Variants in PPCS observed in about 807,000 individuals in gnomAD.
PPCS encodes phosphopantothenoylcysteine synthetase, also known as phosphopantothenate--cysteine ligase.
A neutral mutation model predicts 24.6 loss-of-function variants in PPCS; 17 were observed. The ratio of observed to expected loss-of-function variants is 0.69; its 90% CI spans 0.47 to 1.04. The LOEUF (loss-of-function observed/expected upper bound fraction) is 1.04, where lower values mean the gene tolerates loss of function less well. Among genes scored for constraint, PPCS ranks in the 50% least tolerant of loss-of-function variants. The probability of loss-of-function intolerance (pLI) is 0.00; values close to 1 mark genes in which losing one functional copy is unlikely to be tolerated. For synonymous variants in PPCS, 190 were observed against 168.3 expected (o/e 1.13, Z -1.00); for missense variants, 360 against 402.8 (o/e 0.89, Z 0.91).
chr1:42,472,785 C>G (rs1643813317), intron 2 of PPCS, among the ~76,000 whole-genome samples: 1 of 152,038 alleles, frequency 6.6e-6, no homozygotes, highest in Admixed American at 6.5e-5. Flanking sequence ...TAGATAACAA[C>G]AGGAAAAGTA....
At chr1:42,462,314 G>C (rs894372800), downstream of PPCS, among the ~76,000 whole-genome samples, 1 of 152,092 alleles carries the variant, frequency 6.6e-6, no homozygotes, top group Non-Finnish European at 1.5e-5. Context: ...ACCTGATCTT[G>C]GATGGAGGAT....
downstream of PPCS, chr1:42,464,314 TGAAA>T: frequency 6.6e-6 from 1 of 152,348 alleles, no homozygotes; most frequent in East Asian, 1.9e-4. Flanking sequence ...GCTTACATAA[TGAAA>T]GAAGGTTGTT....
At chr1:42,463,065 A>G (rs1643454176), downstream of PPCS, among the ~76,000 whole-genome samples, 1 of 152,256 alleles carries the variant, frequency 6.6e-6, no homozygotes. Flanking sequence ...CTAAGTCGCA[A>G]ACGCTCGACA....
chr1:42,469,628 A>G (rs891334185), intron 2 of PPCS, among the ~76,000 whole-genome samples: 1 of 152,236 alleles, frequency 6.6e-6, no homozygotes, highest in East Asian at 1.9e-4. Flanking sequence ...AGGAAGCAGT[A>G]TGGGATGGGG....
At chr1:42,472,970 A>G (rs1643818355) in intron 2 of PPCS, among the ~76,000 whole-genome samples, 1 of 152,142 alleles carries the variant, frequency 6.6e-6, no homozygotes, top group Non-Finnish European at 1.5e-5. Flanking sequence ...AAGTGTGATG[A>G]AGGTTCAGGT....
chr1:42,456,609 G>A lies in PPCS; in HGVS notation c.44G>A (p.Gly15Asp), dbSNP rs866402846. 5.2e-6 allele frequency: 8 copies of A among 1,531,200 alleles called. 1 individual carries two copies. Among genetic ancestry groups the A allele is most frequent in the Non-Finnish European group, 6.1e-6 (7 of 1,142,468 alleles). The allele number at this position is 1,531,200 out of a possible 1,614,324, so 94.9% of individuals were successfully genotyped here. A position where few individuals can be genotyped will look rare whatever the true frequency, so the allele number is the denominator to read the frequency against. ...GTAGCCGAGTTCCCCCAGCCTCCCG[G>A]TGCTGCGCGCTGGGCTGAGGTTATG... is the stretch of plus-strand genomic sequence containing the variant. ...DPVAEFPQPPGAARWAEVMAR... is the reference protein window; with the variant it reads ...DPVAEFPQPPDAARWAEVMAR... The change falls in exon 1 of 3, where the codon GGT (glycine) becomes GAT (aspartate). Residue 15 changes from glycine (G) to aspartate (D), a missense_variant. By Grantham distance (94) the Gly-to-Asp change is moderately conservative. This residue lies in a region of PPCS where 244 missense variants were observed against 234.7 expected (regional missense o/e 1.04). Transcript: ENST00000372561.
At chr1:42,471,483 T>C (rs1260351745) in intron 2 of PPCS, among the ~76,000 whole-genome samples, 1 of 152,254 alleles carries the variant, frequency 6.6e-6, no homozygotes, top group Non-Finnish European at 1.5e-5. Flanking sequence ...ATAATACTTT[T>C]GCATTGTGCT....
At position 42,470,599 on chromosome 1, in the gene PPCS, A is replaced by G. The variant is rs116531650; in HGVS notation, n.378-2523A>G. Among the ~76,000 whole-genome samples, 1,084 of 152,368 alleles carry G rather than the reference A, an allele frequency of 7.1e-3. 16 individuals carry two copies. Among genetic ancestry groups the G allele is most frequent in the African/African-American group, 0.025 (1,021 of 41,578 alleles). On this transcript the variant is annotated intron_variant and non_coding_transcript_variant, in intron 2 of 2. Coordinates refer to the PPCS transcript ENST00000471420. ...GGTGAATGTATAAATAAAATGTGCT[A>G]TGTACATACAATGGAATATTATTCA...
Position 42,457,060 on chromosome 1 carries a change from A to G in PPCS, c.495A>G (p.Ala165=), listed in dbSNP as rs763717463. 1.9e-6 allele frequency: 3 copies of G among 1,597,086 alleles called. No individual in the cohort carries two copies. Among genetic ancestry groups the G allele is most frequent in the South Asian group, 1.1e-5 (1 of 89,942 alleles). ...YLHLLQAAAQ[A]LNPLGPSAMF... is the part of the protein sequence containing the mutation. ...ATCTGTTGCAGGCTGCGGCCCAGGCACTCAATCCGCTAGGTGCGTGCCCTA... is the reference window on the plus strand; with the variant it reads ...ATCTGTTGCAGGCTGCGGCCCAGGCGCTCAATCCGCTAGGTGCGTGCCCTA... Residue 165 remains alanine (A), a synonymous_variant, in exon 1 of 3, where the codon GCA becomes GCG. Coordinates refer to ENST00000372561, the MANE Select transcript of PPCS (RefSeq NM_024664.4).
At chr1:42,463,312 A>G (rs1383911126), downstream of PPCS, 2 of 152,212 alleles carry the variant, frequency 1.3e-5, no homozygotes, top group Non-Finnish European at 2.9e-5. Flanking sequence ...CTCCGTAGGC[A>G]CCTGCAGCTA....
intron 2 of PPCS, chr1:42,459,395 A>G: frequency 3.5e-6 from 2 of 576,516 alleles, no homozygotes; most frequent in Non-Finnish European, 6.1e-6. Flanking sequence ...AACTGGGCTC[A>G]AGCGATCCAC....
In PPCS at chr1:42,467,399, A is replaced by G. The variant is rs1643623643; in HGVS notation, n.378-5723A>G. On this transcript the variant is annotated intron_variant and non_coding_transcript_variant, in intron 2 of 2. Transcript: ENST00000471420. ...GGCAGTAACCCTAGACATGGAGAGG[A>G]TGAATTAGAAAATGATGAAAGAAGT... is the stretch of plus-strand genomic sequence containing the variant. Among the ~76,000 whole-genome samples the G allele has an allele frequency of 1.3e-5, 2 of 152,218 alleles. 1 individual carries two copies. Among genetic ancestry groups the G allele is most frequent in the South Asian group, 4.1e-4 (2 of 4,830 alleles).
At chr1:42,463,420 C>CA (rs1186590455), downstream of PPCS, 1 of 152,260 alleles carries the variant, frequency 6.6e-6, no homozygotes, top group African/African-American at 2.4e-5. Flanking sequence ...GCCTCAGCCC[C>CA]AAGGAGGAAA....
chr1:42,456,443 A>C, upstream of PPCS: 1 of 1,016,990 alleles, frequency 9.8e-7, no homozygotes, highest in Non-Finnish European at 1.4e-6. Context: ...ATCGGGACCT[A>C]GTGTCAAAAG....
chr1:42,469,969 G>T (rs1643714116), intron 2 of PPCS, among the ~76,000 whole-genome samples: 1 of 152,196 alleles, frequency 6.6e-6, no homozygotes, highest in African/African-American at 2.4e-5. Context: ...ATTTGTAATG[G>T]TTCAGATTTG....
In PPCS at chr1:42,457,275, G is replaced by A. The variant is rs115737664; in HGVS notation, c.537G>A (p.Ala179=). Residue 179 remains alanine, a synonymous_variant, in exon 2 of 3, where the codon GCG becomes GCA. Coordinates refer to ENST00000372561, the MANE Select transcript of PPCS (RefSeq NM_024664.4). ...CTTCTGCGATGTTTTACCTGGCTGC[G>A]GCTGTGTCAGATTTCTATGTTCCTG... ...LGPSAMFYLA[A]AVSDFYVPVS... 4.0e-4 allele frequency: 650 copies of A among 1,614,124 alleles called. 1 individual carries two copies. In the African/African-American group the frequency reaches 6.7e-3, roughly 17 times the overall value.
downstream of PPCS, chr1:42,463,522 C>T (rs565581012): frequency 5.9e-5 from 9 of 152,432 alleles, no homozygotes; most frequent in South Asian, 8.3e-4. Flanking sequence ...CCTCCTGGCC[C>T]GGCCTTTCTA....
chr1:42,457,576 A>G (rs1015351060), intron 2 of PPCS: 1 of 566,268 alleles, frequency 1.8e-6, no homozygotes, highest in Non-Finnish European at 3.2e-6. Context: ...AGGTATGTAC[A>G]AAGTGCAGTC....
chr1:42,468,443 C>G (rs560853018), intron 2 of PPCS, among the ~76,000 whole-genome samples: 78 of 152,300 alleles, frequency 5.1e-4, no homozygotes, highest in African/African-American at 1.8e-3. Flanking sequence ...TTTCTGGAAG[C>G]ACCACATAAT....
Sources: gnomAD v4.1 joint callset for allele counts (sites outside exome capture counted in the v4.1 genomes callset) on GRCh38, gnomAD v4.1.1 for gene constraint, gnomAD v4.1.1 regional missense constraint, MANE v1.5 for transcripts, NCBI Gene and HGNC (gene_info 2026-07-23, HGNC 2026-07-21) for gene names.